The following EPB41L4A variants were observed in gnomAD, a reference collection of about 807,000 sequenced individuals.
EPB41L4A encodes band 4.1-like protein 4A.
In EPB41L4A, 100 loss-of-function variants were observed where a neutral mutation model predicts 108.6. The observed-to-expected ratio is 0.92, with a 90% CI of 0.78 to 1.09. EPB41L4A has a LOEUF of 1.09. EPB41L4A is among the 50% of genes least tolerant of loss of function. The pLI, the probability that EPB41L4A is intolerant of heterozygous loss-of-function variation, is 0.00. For synonymous variants in EPB41L4A, 319 were observed against 289.0 expected (o/e 1.10, Z -1.05); for missense variants, 1,030 against 842.7 (o/e 1.22, Z -2.75).
chr5:112,419,393 G>A (rs748968657), upstream of EPB41L4A: 5 of 360,412 alleles, frequency 1.4e-5, no homozygotes, highest in African/African-American at 6.5e-5. Context: ...CTGGCACTGG[G>A]GGCAAGAGAC....
At chr5:112,398,811 G>C (rs917334289) in intron 1 of EPB41L4A, among the ~76,000 whole-genome samples, 1 of 151,834 alleles carries the variant, frequency 6.6e-6, no homozygotes, top group Non-Finnish European at 1.5e-5. Context: ...AATCTTATTC[G>C]AGTTCATAGG....
chr5:112,169,765 G>C (rs1760466227), intron 20 of EPB41L4A, among the ~76,000 whole-genome samples: 1 of 152,162 alleles, frequency 6.6e-6, no homozygotes, highest in Admixed American at 6.5e-5. Flanking sequence ...TAACTGTGGT[G>C]GGAAAGCAGC....
At chr5:112,167,423 A>C in intron 22 of EPB41L4A, among the ~76,000 whole-genome samples, 1 of 152,210 alleles carries the variant, frequency 6.6e-6, no homozygotes, top group Admixed American at 6.5e-5. Context: ...TTATAGTAGA[A>C]GCTGCGTTTA....
Position 112,259,613 on chromosome 5 carries a change from G to C in EPB41L4A, c.731+278C>G, listed in dbSNP as rs187523328. ...CCATTTGGAGCTAAAAGTCAGAATAGTCCTGGATCCACAGCCCACCAGCAC... is the reference window on the plus strand; with the variant it reads ...CCATTTGGAGCTAAAAGTCAGAATACTCCTGGATCCACAGCCCACCAGCAC... On this transcript the variant is annotated intron_variant, in intron 8 of 22. Coordinates refer to ENST00000261486, the MANE Select transcript of EPB41L4A (RefSeq NM_022140.5). Among the ~76,000 whole-genome samples the C allele has an allele frequency of 1.1e-3, 173 of 152,268 alleles. 3 individuals carry two copies. Among genetic ancestry groups the C allele is most frequent in the Admixed American group, 0.011 (172 of 15,288 alleles).
chr5:112,387,044 G>A (rs1760594313), intron 1 of EPB41L4A, among the ~76,000 whole-genome samples: 1 of 152,148 alleles, frequency 6.6e-6, no homozygotes, highest in African/African-American at 2.4e-5. Context: ...GGCCTCTATT[G>A]CTTCAAAGTG....
chr5:112,203,859 T>TG (rs891381919), intron 15 of EPB41L4A, among the ~76,000 whole-genome samples: 4 of 151,908 alleles, frequency 2.6e-5, no homozygotes, highest in Non-Finnish European at 5.9e-5. Flanking sequence ...CTGACCAACA[T>TG]GGAAAAACCC....
intron 12 of EPB41L4A, among the ~76,000 whole-genome samples, chr5:112,149,878 C>T (rs888265297): frequency 1.3e-5 from 2 of 152,136 alleles, no homozygotes; most frequent in South Asian, 2.1e-4. Context: ...ATTGCTTAGG[C>T]TTCATAGGGC....
chr5:112,360,231 T>C lies in EPB41L4A; in HGVS notation c.100-52741A>G, dbSNP rs1253549561. Among the ~76,000 whole-genome samples the C allele has an allele frequency of 4.6e-5, 7 of 152,162 alleles. No homozygotes were observed. The South Asian group carries it at 1.5e-3, about 32-fold the overall frequency. On this transcript the variant is annotated intron_variant, in intron 1 of 22. Transcript: ENST00000261486. ...TGAGTCCAGGAGTTTGAGACCAGCC[T>C]GGGCAACACAGCAAGACCCTGTCTC... is the stretch of plus-strand genomic sequence containing the variant.
chr5:112,341,136 G>C (rs1350372202), intron 1 of EPB41L4A, among the ~76,000 whole-genome samples: 2 of 151,898 alleles, frequency 1.3e-5, no homozygotes, highest in Non-Finnish European at 2.9e-5. Context: ...TGTTTAATTG[G>C]TCTCCTTCCC....
chr5:112,330,790 G>A (rs996113416), intron 1 of EPB41L4A, among the ~76,000 whole-genome samples: 6 of 151,846 alleles, frequency 4.0e-5, no homozygotes, highest in African/African-American at 1.5e-4. Flanking sequence ...CTGGGTCTGT[G>A]TATCAATATA....
chr5:112,305,768 C>CT (rs1267457929), intron 2 of EPB41L4A, among the ~76,000 whole-genome samples: 1 of 152,056 alleles, frequency 6.6e-6, no homozygotes, highest in Non-Finnish European at 1.5e-5. Context: ...GGAAAGAATA[C>CT]TTTTTTCATG....
chr5:112,389,348 G>T (rs115971269), intron 1 of EPB41L4A, among the ~76,000 whole-genome samples: 1 of 152,098 alleles, frequency 6.6e-6, no homozygotes, highest in Non-Finnish European at 1.5e-5. Context: ...CCTACACTAG[G>T]CCCCAACAGA....
chr5:112,365,680 T>A (rs1759080826), intron 1 of EPB41L4A, among the ~76,000 whole-genome samples: 2 of 152,206 alleles, frequency 1.3e-5, no homozygotes, highest in South Asian at 4.1e-4. Context: ...TCACTAGTTT[T>A]CTCCTAACGT....
At chr5:112,327,584 CA>C (rs1475227974) in intron 1 of EPB41L4A, among the ~76,000 whole-genome samples, 1 of 152,038 alleles carries the variant, frequency 6.6e-6, no homozygotes, top group Non-Finnish European at 1.5e-5. Flanking sequence ...GGTATGGTGA[CA>C]TACAACTGTA....
chr5:112,241,890 T>C (rs1749808016), intron 9 of EPB41L4A, among the ~76,000 whole-genome samples: 1 of 152,210 alleles, frequency 6.6e-6, no homozygotes, highest in Non-Finnish European at 1.5e-5. Context: ...AAAAGTTGCT[T>C]ACATTACACT....
At chr5:112,350,197 C>G (rs1246483526) in intron 1 of EPB41L4A, among the ~76,000 whole-genome samples, 1 of 152,100 alleles carries the variant, frequency 6.6e-6, no homozygotes, top group Non-Finnish European at 1.5e-5. Flanking sequence ...CTAGAAGCTA[C>G]CATGCTAAAT....
At chr5:112,366,205 C>A (rs1759108707) in intron 1 of EPB41L4A, among the ~76,000 whole-genome samples, 1 of 152,040 alleles carries the variant, frequency 6.6e-6, no homozygotes, top group African/African-American at 2.4e-5. Context: ...CCACCTGCAA[C>A]CACAGCTCCA....
In EPB41L4A at chr5:112,194,554, T is replaced by A; in HGVS notation, c.1502+14A>T. 1 of 1,450,764 alleles carries A rather than the reference T, an allele frequency of 6.9e-7. No homozygotes were observed. The allele number at this position is 1,450,764 out of a possible 1,614,324, so 89.9% of individuals were successfully genotyped here. On this transcript the variant is annotated intron_variant, in intron 17 of 22. Coordinates refer to ENST00000261486, the MANE Select transcript of EPB41L4A (RefSeq NM_022140.5). ...ATTTCAGAGTGCCAGTTAATTATAA[T>A]ATTGAGATATTACCTGTTTCTCTTT...
At chr5:112,306,027 T>C (rs1185284827) in intron 2 of EPB41L4A, among the ~76,000 whole-genome samples, 1 of 152,148 alleles carries the variant, frequency 6.6e-6, no homozygotes, top group Non-Finnish European at 1.5e-5. Flanking sequence ...ATTTTTCCTT[T>C]GCAAAGTTTA....
Sources: allele counts gnomAD v4.1 joint callset (sites outside exome capture counted in the v4.1 genomes callset), GRCh38; gene constraint gnomAD v4.1.1; transcripts MANE v1.5; gene names NCBI Gene and HGNC (gene_info 2026-07-23, HGNC 2026-07-21).